RNF144A: variants seen among roughly 807,000 people sequenced by gnomAD.
RNF144A encodes E3 ubiquitin-protein ligase RNF144A.
RNF144A carries 11 observed loss-of-function variants against 38.7 expected under a neutral mutation model. The ratio of observed to expected loss-of-function variants is 0.28; its 90% CI spans 0.18 to 0.47. The LOEUF is 0.47. Ranked by LOEUF, RNF144A falls within the 20% of genes least tolerant of loss-of-function variation. The probability of loss-of-function intolerance (pLI) is 0.99; values close to 1 mark genes in which losing one functional copy is unlikely to be tolerated. For missense variants in RNF144A, 316 were observed against 377.2 expected (o/e 0.84, Z 1.34); for synonymous variants, 149 against 143.9 (o/e 1.04, Z -0.25).
At chr2:6,947,851 C>T (rs1407393842) in intron 2 of RNF144A, among the ~76,000 whole-genome samples, 2 of 152,188 alleles carry the variant, frequency 1.3e-5, no homozygotes, top group African/African-American at 4.8e-5. Flanking sequence ...GAAGCCACTT[C>T]CCTCTTGGAT....
intron 2 of RNF144A, among the ~76,000 whole-genome samples, chr2:6,961,731 A>AACC (rs1667354963): frequency 6.6e-6 from 1 of 152,166 alleles, no homozygotes; most frequent in Admixed American, 6.5e-5. Context: ...TCTTTCACTC[A>AACC]TAACAACATC....
At chr2:7,051,930 A>G (rs309287) in intron 6 of RNF144A, among the ~76,000 whole-genome samples, 57,598 of 152,006 alleles carry the variant, frequency 0.38, 11,655 homozygotes, top group East Asian at 0.73. Context: ...AAGAGTATCA[A>G]TGAATCCCCC....
rs3771953 is a variant in RNF144A, at chr2:7,026,854, C to T, written c.657+2338C>T. Among the ~76,000 whole-genome samples, 75 of 152,314 alleles carry T rather than the reference C, an allele frequency of 4.9e-4. No individual in the cohort carries two copies. In the East Asian group the frequency reaches 0.014, roughly 28 times the overall value. On this transcript the variant is annotated intron_variant, in intron 7 of 8. Transcript: ENST00000320892. ...TCCGCCCCTTGCTAATGGAGAGGAA[C>T]CAGGCCGCACTTTTCCTCCATCAGA...
chr2:6,991,764 A>G (rs992572294), intron 2 of RNF144A, among the ~76,000 whole-genome samples: 1 of 152,180 alleles, frequency 6.6e-6, no homozygotes, highest in African/African-American at 2.4e-5. Flanking sequence ...TCTCTCTCTC[A>G]TACATACATA....
chr2:6,929,205 C>T (rs1473209702), intron 1 of RNF144A, among the ~76,000 whole-genome samples: 2 of 152,078 alleles, frequency 1.3e-5, no homozygotes, highest in Admixed American at 1.3e-4. Context: ...TGTATTTAAC[C>T]TGATGTGAGG....
intron 2 of RNF144A, among the ~76,000 whole-genome samples, chr2:6,971,764 T>C (rs1002495285): frequency 3.7e-5 from 4 of 109,086 alleles, no homozygotes; most frequent in Non-Finnish European, 6.1e-5. Flanking sequence ...GTTCTGACCA[T>C]TTTGTTTTTG....
chr2:6,923,058 C>G (rs1208216109), intron 1 of RNF144A, among the ~76,000 whole-genome samples: 2 of 152,190 alleles, frequency 1.3e-5, no homozygotes, highest in African/African-American at 4.8e-5. Flanking sequence ...TTCCAGCATT[C>G]TAGAGTGAAC....
Position 6,950,886 on chromosome 2 carries a change from A to T in RNF144A, c.-12+9739A>T, listed in dbSNP as rs187046706. Among the ~76,000 whole-genome samples, 160 of 151,816 alleles carry T rather than the reference A, an allele frequency of 1.1e-3. No individual in the cohort carries two copies. In the Middle Eastern group the frequency reaches 0.014, roughly 13 times the overall value. On this transcript the variant is annotated intron_variant, in intron 2 of 8. Transcript: ENST00000320892. Reference sequence around the variant, plus strand: ...GATTGTATTTTTCTTATTGATTTGAACTCATTTTCCTGTATTCTGAAGACT... The same window carrying T: ...GATTGTATTTTTCTTATTGATTTGATCTCATTTTCCTGTATTCTGAAGACT...
chr2:7,009,457 G>A (rs2103411545), intron 3 of RNF144A, among the ~76,000 whole-genome samples: 1 of 152,172 alleles, frequency 6.6e-6, no homozygotes, highest in East Asian at 1.9e-4. Flanking sequence ...AGGAGGCGGC[G>A]GGTCTAAAGG....
chr2:7,008,773 G>C (rs969313138), intron 3 of RNF144A, among the ~76,000 whole-genome samples: 19 of 152,202 alleles, frequency 1.2e-4, no homozygotes, highest in African/African-American at 4.3e-4. Flanking sequence ...CTGCTGTCGT[G>C]CCTTGCTCCT....
downstream of RNF144A, among the ~76,000 whole-genome samples, chr2:7,068,618 C>A (rs570581562): frequency 1.2e-4 from 18 of 152,186 alleles, no homozygotes; most frequent in Non-Finnish European, 2.6e-4. Context: ...AGACAAAAGC[C>A]AGGCTGAAGA....
chr2:6,974,043 G>A (rs771253), intron 2 of RNF144A, among the ~76,000 whole-genome samples: 53,357 of 151,610 alleles, frequency 0.35, 9,684 homozygotes, highest in African/African-American at 0.39. Context: ...ACTTCTGGAG[G>A]ATCTAGATTT....
chr2:6,998,012 T>A (rs1351102892), intron 3 of RNF144A, among the ~76,000 whole-genome samples: 2 of 152,234 alleles, frequency 1.3e-5, no homozygotes, highest in African/African-American at 2.4e-5. Flanking sequence ...GGATTTATGA[T>A]GTATACACGT....
At chr2:7,051,261 C>T (rs1475765301) in intron 6 of RNF144A, among the ~76,000 whole-genome samples, 7 of 152,110 alleles carry the variant, frequency 4.6e-5, no homozygotes, top group Admixed American at 1.3e-4. Flanking sequence ...AAGCCGCAGA[C>T]GCCCCAAGAG....
intron 1 of RNF144A, among the ~76,000 whole-genome samples, chr2:6,924,938 A>T (rs1366912425): frequency 6.6e-6 from 1 of 152,242 alleles, no homozygotes; most frequent in Non-Finnish European, 1.5e-5. Flanking sequence ...TGCTTTGGGA[A>T]GGGTGTGGGC....
intron 1 of RNF144A, among the ~76,000 whole-genome samples, chr2:6,938,023 C>G (rs571950609): frequency 3.5e-4 from 53 of 152,278 alleles, no homozygotes; most frequent in African/African-American, 1.2e-3. Flanking sequence ...CCTGCAGAGG[C>G]AGAGGGGGAG....
intron 7 of RNF144A, among the ~76,000 whole-genome samples, chr2:7,024,893 G>C (rs1299462310): frequency 6.6e-6 from 1 of 152,170 alleles, no homozygotes; most frequent in Non-Finnish European, 1.5e-5. Flanking sequence ...TCATGGTTCT[G>C]GGGGCTGGAA....
intron 2 of RNF144A, among the ~76,000 whole-genome samples, chr2:6,974,750 C>T (rs1668202340): frequency 6.6e-6 from 1 of 152,114 alleles, no homozygotes; most frequent in Non-Finnish European, 1.5e-5. Context: ...CAATAAAATA[C>T]ATTTCAGGTT....
chr2:6,999,222 A>G (rs1669948788), intron 3 of RNF144A, among the ~76,000 whole-genome samples: 1 of 152,346 alleles, frequency 6.6e-6, no homozygotes, highest in East Asian at 1.9e-4. Flanking sequence ...CCAAAATTTA[A>G]AATGTTGAAA....
Sources: allele counts gnomAD v4.1 joint callset (sites outside exome capture counted in the v4.1 genomes callset), GRCh38; gene constraint gnomAD v4.1.1; transcripts MANE v1.5; gene names NCBI Gene and HGNC (gene_info 2026-07-23, HGNC 2026-07-21).